The following ASIC2 variants were observed in gnomAD, a reference collection of about 807,000 sequenced individuals.
The protein encoded by ASIC2 is acid sensing ion channel subunit 2, also known as acid-sensing ion channel 2.
In ASIC2, 25 loss-of-function variants were observed where a neutral mutation model predicts 57.3. The observed-to-expected ratio is 0.44, with a 90% CI of 0.32 to 0.61. ASIC2 has a LOEUF of 0.61. Among genes scored for constraint, ASIC2 ranks in the 20% least tolerant of loss-of-function variants. The pLI is 0.06. For synonymous variants in ASIC2, 319 were observed against 307.5 expected (o/e 1.04, Z -0.39); for missense variants, 641 against 738.1 (o/e 0.87, Z 1.52).
intron 1 of ASIC2, among the ~76,000 whole-genome samples, chr17:33,808,050 T>C (rs1912318191): frequency 6.6e-6 from 1 of 152,244 alleles, no homozygotes; most frequent in African/African-American, 2.4e-5. Flanking sequence ...TGAAGTTCAG[T>C]TATCAACTTT....
intron 1 of ASIC2, among the ~76,000 whole-genome samples, chr17:33,455,196 C>T (rs1890111952): frequency 6.6e-6 from 1 of 151,874 alleles, no homozygotes; most frequent in Non-Finnish European, 1.5e-5. Flanking sequence ...TGTCATTTTT[C>T]CAACTTTTAT....
chr17:34,056,317 C>A (rs1908764025), intron 1 of ASIC2, among the ~76,000 whole-genome samples: 2 of 152,176 alleles, frequency 1.3e-5, no homozygotes, highest in African/African-American at 4.8e-5. Flanking sequence ...CATCACCTGG[C>A]ACACAGCTTC....
chr17:33,979,309 T>G (rs1354870419), intron 1 of ASIC2, among the ~76,000 whole-genome samples: 1 of 152,146 alleles, frequency 6.6e-6, no homozygotes, highest in African/African-American at 2.4e-5. Flanking sequence ...TGCTGCTCCA[T>G]GCCTACCACT....
rs558354508 is a variant in ASIC2, at chr17:33,084,739, C to T, written c.987+4124G>A. Among the ~76,000 whole-genome samples, 10 of 152,260 alleles carry T rather than the reference C, an allele frequency of 6.6e-5. No individual in the cohort carries two copies. In the South Asian group the frequency reaches 1.9e-3, roughly 28 times the overall value. On this transcript the variant is annotated intron_variant, in intron 3 of 9. Coordinates refer to ENST00000225823, the MANE Select transcript of ASIC2 (RefSeq NM_183377.2). ...TTCTACCCTTCCCAGGGTTCTATTT[C>T]TCCTTCCAGCATATTATCCCGCTGC...
chr17:33,393,467 C>A (rs547763207), intron 1 of ASIC2, among the ~76,000 whole-genome samples: 2 of 152,098 alleles, frequency 1.3e-5, no homozygotes, highest in Non-Finnish European at 1.5e-5. Flanking sequence ...CCTTCTCTAA[C>A]CACCTGAGCC....
rs575208465 is a variant in ASIC2 at position 33,019,856 on chromosome 17, GAA to G, written c.1441+1361_1441+1362del. Among the ~76,000 whole-genome samples, 869 of 152,042 alleles carry G rather than the reference GAA, an allele frequency of 5.7e-3. 8 individuals are homozygous for G. The highest frequency in any genetic ancestry group is 0.019 in the African/African-American group (807 of 41,434). On this transcript the variant is annotated intron_variant, in intron 7 of 9. Transcript: ENST00000225823. ...GATCTGTGTGAGAGAGAGAGAGAGAGAAAGAAAGAGACGCACATAGAGCAGAG... is the reference window on the plus strand; with the variant it reads ...GATCTGTGTGAGAGAGAGAGAGAGAGAGAAAGAGACGCACATAGAGCAGAG...
intron 1 of ASIC2, among the ~76,000 whole-genome samples, chr17:33,200,744 A>T (rs530053055): frequency 4.2e-4 from 64 of 152,252 alleles, no homozygotes; most frequent in African/African-American, 1.5e-3. Flanking sequence ...TGCCCCCTGC[A>T]GTTTATTCCC....
chr17:33,124,045 A>C (rs1293783784), intron 1 of ASIC2, among the ~76,000 whole-genome samples: 3 of 152,236 alleles, frequency 2.0e-5, no homozygotes, highest in Admixed American at 2.0e-4. Flanking sequence ...ATCCCAAGGC[A>C]GGCTGATTCT....
chr17:33,057,255 C>T (rs2092001808), intron 3 of ASIC2, among the ~76,000 whole-genome samples: 1 of 152,210 alleles, frequency 6.6e-6, no homozygotes, highest in South Asian at 2.1e-4. Flanking sequence ...GCCTCTAACA[C>T]ACACTGGAGT....
intron 1 of ASIC2, among the ~76,000 whole-genome samples, chr17:33,803,498 G>A (rs984439721): frequency 2.0e-5 from 3 of 151,950 alleles, no homozygotes; most frequent in Admixed American, 6.6e-5. Context: ...TGGTTGATGC[G>A]GTGGATACCT....
intron 1 of ASIC2, among the ~76,000 whole-genome samples, chr17:33,173,047 C>A (rs1363329360): frequency 2.0e-5 from 3 of 152,190 alleles, no homozygotes; most frequent in Admixed American, 6.5e-5. Flanking sequence ...TCATTACTCC[C>A]TTCCCCATGG....
At chr17:33,723,490 G>C (rs868312587) in intron 1 of ASIC2, among the ~76,000 whole-genome samples, 1 of 152,136 alleles carries the variant, frequency 6.6e-6, no homozygotes, top group Middle Eastern at 3.4e-3. Context: ...CACCATGTCT[G>C]GCTAATTTTT....
intron 1 of ASIC2, among the ~76,000 whole-genome samples, chr17:33,396,968 C>G (rs1224093729): frequency 2.0e-5 from 3 of 152,170 alleles, no homozygotes; most frequent in Non-Finnish European, 4.4e-5. Flanking sequence ...TTCTTCCCTC[C>G]CCTACCTGTT....
intron 1 of ASIC2, among the ~76,000 whole-genome samples, chr17:33,766,232 T>C (rs1910932942): frequency 6.6e-6 from 1 of 152,244 alleles, no homozygotes; most frequent in Admixed American, 6.5e-5. Flanking sequence ...TGTTAATCTC[T>C]TACTGTGCCT....
chr17:33,333,060 C>A (rs532301551), intron 1 of ASIC2, among the ~76,000 whole-genome samples: 60 of 152,282 alleles, frequency 3.9e-4, no homozygotes, highest in African/African-American at 1.4e-3. Flanking sequence ...TCTGGTCTCC[C>A]AAAGGCCCAT....
At chr17:33,827,575 A>ACC (rs1912969935) in intron 1 of ASIC2, among the ~76,000 whole-genome samples, 2 of 148,160 alleles carry the variant, frequency 1.3e-5, no homozygotes, top group Non-Finnish European at 3.0e-5. Context: ...TGATTTCCTG[A>ACC]CCAAGTGATC....
intron 1 of ASIC2, among the ~76,000 whole-genome samples, chr17:33,491,710 T>A (rs571233980): frequency 6.6e-6 from 1 of 152,316 alleles, no homozygotes; most frequent in African/African-American, 2.4e-5. Flanking sequence ...TAGTGACCGA[T>A]GAACAAGTTC....
intron 1 of ASIC2, among the ~76,000 whole-genome samples, chr17:34,132,409 G>GGT: frequency 6.6e-6 from 1 of 152,094 alleles, no homozygotes; most frequent in African/African-American, 2.4e-5. Flanking sequence ...GATGGAGTGC[G>GGT]AGCCGGGTGG....
At chr17:33,021,801 T>C (rs2091836711) in intron 6 of ASIC2, among the ~76,000 whole-genome samples, 1 of 152,208 alleles carries the variant, frequency 6.6e-6, no homozygotes, top group African/African-American at 2.4e-5. Flanking sequence ...ATCAAGTCAA[T>C]TGCCAGAAGT....
Sources: allele counts gnomAD v4.1 joint callset (sites outside exome capture counted in the v4.1 genomes callset), GRCh38; gene constraint gnomAD v4.1.1; transcripts MANE v1.5; gene names NCBI Gene and HGNC (gene_info 2026-07-23, HGNC 2026-07-21).